The following DPYD variants were observed in gnomAD, a reference collection of about 807,000 sequenced individuals.
DPYD encodes dihydropyrimidine dehydrogenase [NADP(+)].
In DPYD, 109 loss-of-function variants were observed where a neutral mutation model predicts 116.2. The ratio of observed to expected loss-of-function variants is 0.94; its 90% CI spans 0.80 to 1.10. The LOEUF (loss-of-function observed/expected upper bound fraction) is 1.10, where lower values mean the gene tolerates loss of function less well. Ranked by LOEUF, DPYD falls within the 50% of genes least tolerant of loss-of-function variation. The pLI is 0.00. For missense variants in DPYD, 1,302 were observed against 1,254.5 expected (o/e 1.04, Z -0.57); for synonymous variants, 440 against 432.0 (o/e 1.02, Z -0.23).
intron 12 of DPYD, among the ~76,000 whole-genome samples, chr1:97,537,207 C>G (rs527820947): frequency 6.6e-6 from 1 of 152,296 alleles, no homozygotes; most frequent in South Asian, 2.1e-4. Flanking sequence ...TTGTCCAGAG[C>G]AGAAATCTTT....
chr1:97,324,930 C>T (rs1419513795), intron 16 of DPYD, among the ~76,000 whole-genome samples: 1 of 151,996 alleles, frequency 6.6e-6, no homozygotes, highest in African/African-American at 2.4e-5. Context: ...AATATGATCT[C>T]CCTTTCATTC....
chr1:97,327,153 A>T (rs1363608578), intron 16 of DPYD, among the ~76,000 whole-genome samples: 1 of 152,046 alleles, frequency 6.6e-6, no homozygotes, highest in Non-Finnish European at 1.5e-5. Flanking sequence ...AAACTAACAT[A>T]TATACCACAG....
intron 20 of DPYD, among the ~76,000 whole-genome samples, chr1:97,181,126 C>T (rs1305550354): frequency 2.6e-5 from 4 of 152,124 alleles, no homozygotes; most frequent in South Asian, 2.1e-4. Context: ...ATTGATCACA[C>T]ACCTCTGCTG....
intron 7 of DPYD, among the ~76,000 whole-genome samples, chr1:97,683,697 C>T (rs1215390285): frequency 1.3e-5 from 2 of 151,824 alleles, no homozygotes; most frequent in African/African-American, 4.8e-5. Context: ...AGGGAATACC[C>T]AATTTTATTA....
chr1:97,561,101 A>T (rs1288678877), intron 11 of DPYD, among the ~76,000 whole-genome samples: 1 of 152,208 alleles, frequency 6.6e-6, no homozygotes, highest in Non-Finnish European at 1.5e-5. Context: ...ATAAAATAGG[A>T]CAGCATTTGT....
chr1:97,870,406 A>G (rs1671596569), intron 2 of DPYD, among the ~76,000 whole-genome samples: 1 of 151,564 alleles, frequency 6.6e-6, no homozygotes, highest in Non-Finnish European at 1.5e-5. Context: ...GTTATATAAA[A>G]ATACAAATAT....
chr1:97,802,704 T>G (rs1224429060), intron 3 of DPYD, among the ~76,000 whole-genome samples: 1 of 151,930 alleles, frequency 6.6e-6, no homozygotes. Context: ...CTTGCCTTGG[T>G]TGAACTTTCT....
At chr1:97,859,285 T>C (rs2101587943) in intron 2 of DPYD, among the ~76,000 whole-genome samples, 1 of 152,294 alleles carries the variant, frequency 6.6e-6, no homozygotes, top group East Asian at 1.9e-4. Flanking sequence ...GAGCAGCGTA[T>C]GGCAGATGCA....
Position 97,251,391 on chromosome 1 carries a change from TAAAAAAA to T in DPYD, c.2300-16404_2300-16398del, listed in dbSNP as rs10581072. Among the ~76,000 whole-genome samples, 3 of 95,366 alleles carry T rather than the reference TAAAAAAA, an allele frequency of 3.1e-5. No individual in the cohort carries two copies. In the South Asian group the frequency reaches 1.4e-3, roughly 44 times the overall value. The allele number at this position is 95,366 out of a possible 152,430, so 62.6% of individuals were successfully genotyped here. On this transcript the variant is annotated intron_variant, in intron 18 of 22. Transcript: ENST00000370192. ...TGGCCAACAAGAGTGAAACTCTGTC[TAAAAAAA>T]AAAAAAAAAAAAAAAGAAAGAAAAA...
At chr1:97,476,605 G>T (rs1312379873) in intron 13 of DPYD, among the ~76,000 whole-genome samples, 2 of 152,038 alleles carry the variant, frequency 1.3e-5, no homozygotes, top group Non-Finnish European at 2.9e-5. Flanking sequence ...TTAGGCAATA[G>T]GAAGTACCAC....
At chr1:97,309,331 TTGTGTGTGTGTG>T (rs59669909) in intron 16 of DPYD, among the ~76,000 whole-genome samples, 13 of 147,652 alleles carry the variant, frequency 8.8e-5, no homozygotes, top group South Asian at 4.3e-4. Flanking sequence ...GTTGCTTGTC[TTGTGTGTGTGTG>T]TGTGTGTGTG....
chr1:97,577,023 A>G (rs1160113312), intron 10 of DPYD, among the ~76,000 whole-genome samples: 1 of 152,244 alleles, frequency 6.6e-6, no homozygotes, highest in Non-Finnish European at 1.5e-5. Context: ...AAGTATTAAT[A>G]TTGGGAGAGT....
chr1:97,228,963 C>T (rs753148170), intron 19 of DPYD, among the ~76,000 whole-genome samples: 2 of 151,700 alleles, frequency 1.3e-5, no homozygotes, highest in African/African-American at 2.4e-5. Context: ...TTTGGGAGGC[C>T]GAGGTGGGCG....
chr1:97,812,063 G>T (rs932474713), intron 3 of DPYD, among the ~76,000 whole-genome samples: 3 of 152,130 alleles, frequency 2.0e-5, no homozygotes, highest in African/African-American at 7.2e-5. Context: ...TTTACCCACT[G>T]CTTCTTCCCC....
At position 97,531,103 on chromosome 1, in the gene DPYD, A is replaced by C. The variant is rs147867034; in HGVS notation, c.1525-15162T>G. On this transcript the variant is annotated intron_variant, in intron 12 of 22. Transcript: ENST00000370192. ...TTGATTGTTTCCTTAGCTATGCAGA[A>C]GTTCTTTTAGTTTGTTGTAATCTCA... Among the ~76,000 whole-genome samples, 13 of 152,254 alleles carry C rather than the reference A, an allele frequency of 8.5e-5. No homozygotes were observed. The East Asian group carries it at 2.5e-3, about 29-fold the overall frequency.
chr1:97,140,550 C>T (rs1654138931), intron 20 of DPYD, among the ~76,000 whole-genome samples: 1 of 152,124 alleles, frequency 6.6e-6, no homozygotes, highest in South Asian at 2.1e-4. Context: ...GAGCACTACA[C>T]AATCATCTTT....
At chr1:97,322,898 T>G (rs1668383668) in intron 16 of DPYD, 1 of 152,002 alleles carries the variant, frequency 6.6e-6, no homozygotes, top group Non-Finnish European at 1.5e-5. Context: ...TTCTTGTTGT[T>G]ACTTTAGGAA....
intron 1 of DPYD, among the ~76,000 whole-genome samples, chr1:97,908,868 A>C (rs935918177): frequency 9.9e-5 from 15 of 152,016 alleles, no homozygotes; most frequent in Admixed American, 7.9e-4. Context: ...ACTTCTTCAC[A>C]ACATCCTTAA....
chr1:97,703,843 ATTT>A (rs989553007), intron 5 of DPYD, among the ~76,000 whole-genome samples: 2 of 151,990 alleles, frequency 1.3e-5, no homozygotes, highest in African/African-American at 4.8e-5. Context: ...TTTTAATATG[ATTT>A]TTATGACTAC....
Sources: allele counts gnomAD v4.1 joint callset (sites outside exome capture counted in the v4.1 genomes callset), GRCh38; gene constraint gnomAD v4.1.1; transcripts MANE v1.5; gene names NCBI Gene and HGNC (gene_info 2026-07-23, HGNC 2026-07-21).